The following FAF1 variants were observed in gnomAD, a reference collection of about 807,000 sequenced individuals.
FAF1 encodes the protein Fas associated factor 1, also known as FAS-associated factor 1.
In FAF1, 25 loss-of-function variants were observed where a neutral mutation model predicts 92.5. The observed-to-expected ratio is 0.27, with a 90% CI of 0.20 to 0.38. The LOEUF is 0.38. Ranked by LOEUF, FAF1 falls within the 10% of genes least tolerant of loss-of-function variation. FAF1 has a pLI of 1.00. For synonymous variants in FAF1, 234 were observed against 273.2 expected, an observed-to-expected ratio of 0.86 and a Z score of 1.42; for missense variants, 636 against 793.3, an observed-to-expected ratio of 0.80 and a Z score of 2.38.
rs1157426126 is a variant in FAF1 at position 50,928,782 on chromosome 1, C to CAAAAAAAAAAAAAAAAAAAA, written c.45+30965_45+30984dup. Among the ~76,000 whole-genome samples, 7 of 39,724 alleles carry CAAAAAAAAAAAAAAAAAAAA rather than the reference C, an allele frequency of 1.8e-4. 1 individual carries two copies. The highest frequency in any genetic ancestry group is 2.1e-4 in the Non-Finnish European group (4 of 19,140). The allele number at this position is 39,724 out of a possible 152,430, so 26.1% of individuals were successfully genotyped here. On this transcript the variant is annotated intron_variant, in intron 1 of 18. Transcript: ENST00000396153. Reference sequence around the variant, plus strand: ...CAGGCAACAGTGCGAGACTCCACCTCAAAAAAAAAAAAAAAAAAAACTAGG... The same window carrying CAAAAAAAAAAAAAAAAAAAA: ...CAGGCAACAGTGCGAGACTCCACCTCAAAAAAAAAAAAAAAAAAAAAAAAAAAAAAAAAAAAAAAACTAGG...
intron 4 of FAF1, among the ~76,000 whole-genome samples, chr1:50,770,282 A>C (rs957022761): frequency 1.3e-5 from 2 of 152,174 alleles, no homozygotes; most frequent in African/African-American, 4.8e-5. Context: ...AAAGAAATAA[A>C]AGGCATCCAA....
At chr1:50,733,016 C>T (rs186978558) in intron 6 of FAF1, among the ~76,000 whole-genome samples, 46 of 152,192 alleles carry the variant, frequency 3.0e-4, no homozygotes, top group African/African-American at 1.1e-3. Flanking sequence ...CCAATAACCA[C>T]TATCTCTGTG....
intron 2 of FAF1, among the ~76,000 whole-genome samples, chr1:50,818,497 T>C (rs957064005): frequency 3.3e-5 from 5 of 152,168 alleles, no homozygotes; most frequent in Non-Finnish European, 7.4e-5. Flanking sequence ...AATAAACAGA[T>C]TGAAGAATAT....
At chr1:50,441,576 C>A in intron 18 of FAF1, 53 bp from the exon 19 acceptor site, 1 of 1,024,878 alleles carries the variant, frequency 9.8e-7, no homozygotes, top group Non-Finnish European at 1.4e-6. Context: ...ACTATATTCT[C>A]TACATGGCCT....
At chr1:50,441,925 T>C (rs1460450369) in intron 18 of FAF1, among the ~76,000 whole-genome samples, 1 of 151,718 alleles carries the variant, frequency 6.6e-6, no homozygotes, top group African/African-American at 2.4e-5. Flanking sequence ...GGGGCTGATC[T>C]TCCTCTTAGA....
chr1:50,523,339 A>G (rs551540263), intron 15 of FAF1, among the ~76,000 whole-genome samples: 139 of 152,298 alleles, frequency 9.1e-4, no homozygotes, highest in African/African-American at 3.3e-3. Flanking sequence ...AGTAGTCAAC[A>G]AACTGTTTTC....
chr1:50,900,119 G>A (rs1644784802), intron 1 of FAF1, among the ~76,000 whole-genome samples: 1 of 152,014 alleles, frequency 6.6e-6, no homozygotes, highest in African/African-American at 2.4e-5. Flanking sequence ...CTGGAAAAAT[G>A]GGTTTCATGG....
intron 13 of FAF1, among the ~76,000 whole-genome samples, chr1:50,550,726 A>T (rs545330111): frequency 5.3e-5 from 8 of 152,332 alleles, no homozygotes; most frequent in South Asian, 4.1e-4. Context: ...TTTATATTTT[A>T]AAAAACTATT....
At chr1:50,444,250 A>C (rs1380515681) in intron 18 of FAF1, among the ~76,000 whole-genome samples, 3 of 152,220 alleles carry the variant, frequency 2.0e-5, no homozygotes, top group Admixed American at 6.5e-5. Flanking sequence ...CCATTCAAGA[A>C]GGACATGGAG....
intron 13 of FAF1, among the ~76,000 whole-genome samples, chr1:50,561,051 C>G (rs1649877741): frequency 1.3e-5 from 2 of 152,314 alleles, no homozygotes; most frequent in East Asian, 1.9e-4. Flanking sequence ...TGTAGCCACT[C>G]TAGCACTCCG....
chr1:50,797,291 C>T (rs908533549), intron 3 of FAF1, among the ~76,000 whole-genome samples: 7 of 152,154 alleles, frequency 4.6e-5, no homozygotes, highest in Non-Finnish European at 8.8e-5. Flanking sequence ...TTTAACACTT[C>T]CCAGCTGTGA....
chr1:50,600,982 A>G (rs1388036880), intron 8 of FAF1, among the ~76,000 whole-genome samples: 1 of 152,206 alleles, frequency 6.6e-6, no homozygotes, highest in Admixed American at 6.5e-5. Context: ...GGGGTCTTTG[A>G]TGATTTCTTT....
chr1:50,712,109 G>A (rs1445583820), intron 6 of FAF1, among the ~76,000 whole-genome samples: 2 of 152,166 alleles, frequency 1.3e-5, no homozygotes, highest in African/African-American at 4.8e-5. Context: ...CAGGTACTAA[G>A]GAAGTGAACA....
intron 15 of FAF1, among the ~76,000 whole-genome samples, chr1:50,513,141 G>GA (rs1647158732): frequency 6.6e-6 from 1 of 152,160 alleles, no homozygotes; most frequent in South Asian, 2.1e-4. Context: ...AGGCTGGAAG[G>GA]AAAAATCAGC....
chr1:50,942,789 T>C (rs1570168937), intron 1 of FAF1, among the ~76,000 whole-genome samples: 1 of 149,070 alleles, frequency 6.7e-6, no homozygotes, highest in East Asian at 2.1e-4. Flanking sequence ...TTTACACCAA[T>C]TCCCAAGGCC....
intron 2 of FAF1, among the ~76,000 whole-genome samples, chr1:50,814,045 AT>A (rs1643942449): frequency 6.6e-6 from 1 of 152,176 alleles, no homozygotes; most frequent in East Asian, 1.9e-4. Flanking sequence ...ACAGTAAGAT[AT>A]TAACAGCAAT....
intron 13 of FAF1, among the ~76,000 whole-genome samples, chr1:50,564,059 T>C (rs550434572): frequency 6.6e-6 from 1 of 152,326 alleles, no homozygotes; most frequent in Admixed American, 6.5e-5. Context: ...ATTCACTTAG[T>C]TTAATATCCT....
chr1:50,630,470 C>A (rs1653719931), intron 8 of FAF1, among the ~76,000 whole-genome samples: 2 of 152,112 alleles, frequency 1.3e-5, no homozygotes, highest in African/African-American at 4.8e-5. Context: ...AGAGCCAATT[C>A]CCTAAATATA....
chr1:50,727,890 G>A (rs139924977), intron 6 of FAF1, among the ~76,000 whole-genome samples: 3 of 152,228 alleles, frequency 2.0e-5, no homozygotes, highest in African/African-American at 7.2e-5. Flanking sequence ...AGGAGCTCTC[G>A]GACCTTTGGC....
Sources: gnomAD v4.1 joint callset for allele counts (sites outside exome capture counted in the v4.1 genomes callset) on GRCh38, gnomAD v4.1.1 for gene constraint, MANE v1.5 for transcripts, NCBI Gene and HGNC (gene_info 2026-07-23, HGNC 2026-07-21) for gene names.